Variants in GLIS1 observed in about 807,000 individuals in gnomAD.
GLIS1 encodes the protein GLIS family zinc finger 1.
In GLIS1, 24 loss-of-function variants were observed where a neutral mutation model predicts 63.8. The observed-to-expected ratio is 0.38, with a 90% CI of 0.27 to 0.53. GLIS1 has a LOEUF of 0.53. Ranked by LOEUF, GLIS1 falls within the 20% of genes least tolerant of loss-of-function variation. GLIS1 has a pLI of 0.85. For synonymous variants in GLIS1, 450 were observed against 482.5 expected, an observed-to-expected ratio of 0.93 and a Z score of 0.88; for missense variants, 1,036 against 1,074.1, an observed-to-expected ratio of 0.96 and a Z score of 0.50.
chr1:53,566,617 G>A (rs1022135826), intron 4 of GLIS1, among the ~76,000 whole-genome samples: 8 of 152,268 alleles, frequency 5.3e-5, no homozygotes, highest in Middle Eastern at 3.4e-3. Context: ...CCCATATTTC[G>A]GGGGAAGGGC....
chr1:53,640,587 G>A (rs1645776267), intron 2 of GLIS1, among the ~76,000 whole-genome samples: 1 of 152,184 alleles, frequency 6.6e-6, no homozygotes, highest in Non-Finnish European at 1.5e-5. Context: ...GCCATCCACT[G>A]AGCACCTGCT....
intron 2 of GLIS1, among the ~76,000 whole-genome samples, chr1:53,652,367 T>G (rs1645918392): frequency 6.6e-6 from 1 of 152,126 alleles, no homozygotes; most frequent in Non-Finnish European, 1.5e-5. Context: ...GGAAGGAGGC[T>G]TAGATCTCAG....
rs532221602 is a variant in GLIS1, at chr1:53,534,146, C to A, written c.1321-4194G>T. ...GGCTGGGAGGGCTGCAGGGAGGGAA[C>A]CCCCACCATTGGGTTGTGGGGGCAC... On this transcript the variant is annotated intron_variant, in intron 4 of 10. Coordinates refer to ENST00000628545, the MANE Select transcript of GLIS1 (RefSeq NM_001367484.1). 3.2e-3 allele frequency among the ~76,000 whole-genome samples: 487 copies of A among 151,904 alleles called. 3 individuals are homozygous for A. Among genetic ancestry groups the A allele is most frequent in the African/African-American group, 0.011 (453 of 41,298 alleles).
chr1:53,633,264 A>G (rs1372103412), intron 2 of GLIS1, among the ~76,000 whole-genome samples: 16 of 131,800 alleles, frequency 1.2e-4, no homozygotes, highest in Non-Finnish European at 2.0e-4. Flanking sequence ...TGAATATGTG[A>G]CTGAGGGGTG....
At chr1:53,730,160 C>G (rs958316069) in intron 2 of GLIS1, among the ~76,000 whole-genome samples, 2 of 152,122 alleles carry the variant, frequency 1.3e-5, no homozygotes, top group Non-Finnish European at 2.9e-5. Flanking sequence ...TTTAAACCGT[C>G]GTCTTGGGAT....
At chr1:53,722,746 C>G (rs773036001) in intron 2 of GLIS1, among the ~76,000 whole-genome samples, 1 of 150,894 alleles carries the variant, frequency 6.6e-6, no homozygotes, top group African/African-American at 2.4e-5. Context: ...GGCGGGAAAT[C>G]ACCTGAGCCC....
chr1:53,561,946 C>A (rs538902585), intron 4 of GLIS1, among the ~76,000 whole-genome samples: 1 of 152,318 alleles, frequency 6.6e-6, no homozygotes, highest in East Asian at 1.9e-4. Flanking sequence ...GGTGGTGAGA[C>A]AGGCTCATTT....
chr1:53,712,570 T>A (rs796653694), intron 2 of GLIS1, among the ~76,000 whole-genome samples: 17 of 152,230 alleles, frequency 1.1e-4, no homozygotes, highest in African/African-American at 3.1e-4. Flanking sequence ...CAAGTCCATA[T>A]CCTTATCAGG....
chr1:53,684,357 A>G (rs1215141991), intron 2 of GLIS1, among the ~76,000 whole-genome samples: 2 of 152,156 alleles, frequency 1.3e-5, no homozygotes, highest in East Asian at 3.9e-4. Context: ...AACCCTGGGA[A>G]AGCGTGGGAA....
intron 4 of GLIS1, among the ~76,000 whole-genome samples, chr1:53,559,071 A>T (rs1644860519): frequency 6.6e-6 from 1 of 152,256 alleles, no homozygotes; most frequent in South Asian, 2.1e-4. Context: ...GGTAAGACTC[A>T]GACCCAGTGT....
At chr1:53,513,280 T>C (rs1024278554) in intron 8 of GLIS1, among the ~76,000 whole-genome samples, 1 of 152,116 alleles carries the variant, frequency 6.6e-6, no homozygotes, top group African/African-American at 2.4e-5. Context: ...ATGCTGTCTG[T>C]CCAGCGCCCC....
At position 53,520,624 on chromosome 1, in the gene GLIS1, G is replaced by A. The variant is rs755262962; in HGVS notation, c.1726+10C>T. 1.9e-5 allele frequency: 30 copies of A among 1,601,028 alleles called. No individual in the cohort carries two copies. Among genetic ancestry groups the A allele is most frequent in the Non-Finnish European group, 2.3e-5 (27 of 1,174,360 alleles). On this transcript the variant is annotated intron_variant, in intron 7 of 10. Transcript: ENST00000628545. The stretch of plus-strand genomic sequence containing the variant: ...GCTACGCCCCTGGCCCTGCCTCCCC[G>A]CACACGTACCTGGGAGCAGCTCCTG...
chr1:53,678,348 A>AGGG (rs1646238583), intron 2 of GLIS1, among the ~76,000 whole-genome samples: 1 of 2,616 alleles, frequency 3.8e-4, no homozygotes, highest in African/African-American at 1.4e-3. Flanking sequence ...GGTGGGGGGC[A>AGGG]GGGGGGAGCG....
intron 2 of GLIS1, among the ~76,000 whole-genome samples, chr1:53,608,321 C>T (rs12083120): frequency 0.21 from 31,940 of 152,142 alleles, 3,539 homozygotes; most frequent in East Asian, 0.4. Context: ...CTTATGACCT[C>T]ATTTAACTTT....
At chr1:53,621,851 G>T (rs566157730) in intron 2 of GLIS1, among the ~76,000 whole-genome samples, 2 of 151,604 alleles carry the variant, frequency 1.3e-5, no homozygotes, top group Non-Finnish European at 2.9e-5. Flanking sequence ...TCTCACTCTC[G>T]CCAGGTTGGA....
At chr1:53,681,853 C>T (rs943667006) in intron 2 of GLIS1, among the ~76,000 whole-genome samples, 32 of 151,960 alleles carry the variant, frequency 2.1e-4, no homozygotes, top group African/African-American at 6.3e-4. Flanking sequence ...TCTCCTCCCC[C>T]ATCCTCTTCT....
At chr1:53,714,087 A>G (rs1299668063) in intron 2 of GLIS1, among the ~76,000 whole-genome samples, 1 of 152,214 alleles carries the variant, frequency 6.6e-6, no homozygotes, top group African/African-American at 2.4e-5. Context: ...TAAGAAAGAA[A>G]CCGGAAACAG....
intron 2 of GLIS1, among the ~76,000 whole-genome samples, chr1:53,675,522 A>C (rs1465184191): frequency 6.6e-6 from 1 of 152,156 alleles, no homozygotes; most frequent in Non-Finnish European, 1.5e-5. Flanking sequence ...CAGATCTCCC[A>C]AGGCAAGAAA....
At chr1:53,614,549 G>A (rs1645459009) in intron 2 of GLIS1, among the ~76,000 whole-genome samples, 1 of 152,206 alleles carries the variant, frequency 6.6e-6, no homozygotes, top group Non-Finnish European at 1.5e-5. Flanking sequence ...CAGTGTGGCA[G>A]GAAGCCACTG....
Sources: allele counts gnomAD v4.1 joint callset (sites outside exome capture counted in the v4.1 genomes callset), GRCh38; gene constraint gnomAD v4.1.1; transcripts MANE v1.5; gene names NCBI Gene and HGNC (gene_info 2026-07-23, HGNC 2026-07-21).